The following CNTLN variants were observed in gnomAD, a reference collection of about 807,000 sequenced individuals.
CNTLN encodes the protein centlein, centrosomal protein.
In CNTLN, 212 loss-of-function variants were observed where a neutral mutation model predicts 180.0. The observed-to-expected ratio is 1.18, with a 90% CI of 1.05 to 1.32. CNTLN has a LOEUF of 1.32. Ranked by LOEUF, CNTLN falls within the 40% of genes most tolerant of loss-of-function variation. The pLI, the probability that CNTLN is intolerant of heterozygous loss-of-function variation, is 0.00. For missense variants in CNTLN, 2,095 were observed against 1,610.9 expected (o/e 1.30, Z -5.14); for synonymous variants, 722 against 563.1 (o/e 1.28, Z -3.99).
chr9:17,249,329 C>A (rs962244370), intron 5 of CNTLN, among the ~76,000 whole-genome samples: 10 of 146,428 alleles, frequency 6.8e-5, no homozygotes, highest in African/African-American at 2.3e-4. Flanking sequence ...TTCTTTGATC[C>A]ATTGGTTCTT....
chr9:17,386,130 C>A, intron 13 of CNTLN, among the ~76,000 whole-genome samples: 1 of 150,740 alleles, frequency 6.6e-6, no homozygotes, highest in African/African-American at 2.4e-5. Context: ...AGGGAAAAAA[C>A]AATGATAATA....
intron 13 of CNTLN, among the ~76,000 whole-genome samples, chr9:17,377,816 G>A (rs1363198304): frequency 6.6e-6 from 1 of 152,142 alleles, no homozygotes; most frequent in Non-Finnish European, 1.5e-5. Flanking sequence ...CCCTGCTGTG[G>A]ATGTCACTTG....
At chr9:17,445,493 C>A (rs1400288753) in intron 18 of CNTLN, among the ~76,000 whole-genome samples, 1 of 152,100 alleles carries the variant, frequency 6.6e-6, no homozygotes, top group Non-Finnish European at 1.5e-5. Context: ...TAACCTTACC[C>A]CCAACCCCGT....
chr9:17,482,366 A>G (rs961278559), intron 23 of CNTLN, among the ~76,000 whole-genome samples: 3 of 152,108 alleles, frequency 2.0e-5, no homozygotes, highest in African/African-American at 7.2e-5. Context: ...AAGAAAATAT[A>G]TGTAAAATAA....
intron 2 of CNTLN, among the ~76,000 whole-genome samples, chr9:17,148,922 A>G (rs994022129): frequency 3.9e-5 from 6 of 152,120 alleles, no homozygotes; most frequent in Non-Finnish European, 8.8e-5. Flanking sequence ...TGCACCCATC[A>G]ACCTGTCACC....
At chr9:17,411,657 T>C (rs1827851687) in intron 16 of CNTLN, among the ~76,000 whole-genome samples, 1 of 152,108 alleles carries the variant, frequency 6.6e-6, no homozygotes, top group African/African-American at 2.4e-5. Flanking sequence ...GGCATTAGAC[T>C]CTCACATAAG....
intron 14 of CNTLN, among the ~76,000 whole-genome samples, chr9:17,392,701 G>A (rs149685031): frequency 1.3e-5 from 2 of 152,016 alleles, no homozygotes; most frequent in Non-Finnish European, 2.9e-5. Context: ...TTAAAATTAG[G>A]TGAGATTCTT....
intron 3 of CNTLN, among the ~76,000 whole-genome samples, chr9:17,234,711 C>T (rs16935415): frequency 6.6e-6 from 1 of 151,884 alleles, no homozygotes; most frequent in Non-Finnish European, 1.5e-5. Context: ...TGATGTGTCT[C>T]TTTCTTGGTT....
chr9:17,313,668 A>G (rs1819358706), intron 8 of CNTLN, among the ~76,000 whole-genome samples: 1 of 152,094 alleles, frequency 6.6e-6, no homozygotes, highest in South Asian at 2.1e-4. Context: ...TTTAAACCAA[A>G]TTGGAAAAAA....
At chr9:17,359,081 C>T (rs760478958) in intron 12 of CNTLN, among the ~76,000 whole-genome samples, 39 of 151,334 alleles carry the variant, frequency 2.6e-4, no homozygotes, top group Admixed American at 4.0e-4. Flanking sequence ...TGCAGTGGCA[C>T]AATCTCAGCT....
At chr9:17,337,411 T>C (rs1417400282) in intron 10 of CNTLN, among the ~76,000 whole-genome samples, 2 of 152,212 alleles carry the variant, frequency 1.3e-5, no homozygotes, top group African/African-American at 2.4e-5. Context: ...TGGTATTGCA[T>C]AGGATAAAAC....
At chr9:17,426,744 A>G (rs1414275119) in intron 18 of CNTLN, among the ~76,000 whole-genome samples, 3 of 152,086 alleles carry the variant, frequency 2.0e-5, no homozygotes, top group Non-Finnish European at 4.4e-5. Context: ...ACTTTGAGCC[A>G]GGATGGGATG....
At chr9:17,492,601 A>G (rs1833223783) in intron 25 of CNTLN, among the ~76,000 whole-genome samples, 1 of 150,966 alleles carries the variant, frequency 6.6e-6, no homozygotes, top group African/African-American at 2.5e-5. Context: ...AAGTGTTAGG[A>G]GGCAGAGAAA....
chr9:17,324,787 G>A (rs1460275661), intron 8 of CNTLN, among the ~76,000 whole-genome samples: 1 of 152,060 alleles, frequency 6.6e-6, no homozygotes, highest in African/African-American at 2.4e-5. Context: ...CAACTTGACT[G>A]TACCATGTAA....
At chr9:17,285,100 C>A (rs1828899686) in intron 6 of CNTLN, among the ~76,000 whole-genome samples, 1 of 150,432 alleles carries the variant, frequency 6.6e-6, no homozygotes, top group South Asian at 2.1e-4. Context: ...GTGCGCTGCA[C>A]CCACTAACTC....
intron 6 of CNTLN, among the ~76,000 whole-genome samples, chr9:17,290,632 C>G (rs1829319330): frequency 6.8e-6 from 1 of 147,794 alleles, no homozygotes; most frequent in Non-Finnish European, 1.5e-5. Context: ...GCAGTTTGAT[C>G]TCAGACTGCT....
Position 17,236,539 on chromosome 9 carries a change from A to G in CNTLN, c.800A>G (p.Gln267Arg). 6.2e-7 allele frequency: 1 copy of G among 1,613,592 alleles called. No individual in the cohort carries two copies. The highest frequency in any genetic ancestry group is 8.5e-7 in the Non-Finnish European group (1 of 1,179,724). ...AATGACCTGGAGAAATTGAGGAAGC[A>G]GGAAGCACATTTGAGAAAAGAAAAA... ...LLNDLEKLRK[Q>R]EAHLRKEKYS... The change falls in exon 5 of 26, where the codon CAG (glutamine) becomes CGG (arginine). Residue 267 changes from glutamine to arginine, a missense_variant. Gln to Arg is a conservative substitution (Grantham distance 43). Coordinates refer to ENST00000380647, the MANE Select transcript of CNTLN (RefSeq NM_017738.4).
intron 8 of CNTLN, among the ~76,000 whole-genome samples, chr9:17,315,892 C>T (rs1468032405): frequency 6.6e-6 from 1 of 151,932 alleles, no homozygotes; most frequent in Admixed American, 6.6e-5. Flanking sequence ...CCTATTCTAT[C>T]AATTACTAAG....
chr9:17,299,034 G>C (rs1818155199), intron 7 of CNTLN: 1 of 600,976 alleles, frequency 1.7e-6, no homozygotes, highest in Non-Finnish European at 2.1e-6. Flanking sequence ...ACAAGGTCAA[G>C]AGATCGAGAC....
Sources: allele counts gnomAD v4.1 joint callset (sites outside exome capture counted in the v4.1 genomes callset), GRCh38; gene constraint gnomAD v4.1.1; transcripts MANE v1.5; gene names NCBI Gene and HGNC (gene_info 2026-07-23, HGNC 2026-07-21).